Variants in PCSK5 observed in about 807,000 individuals in gnomAD.
PCSK5 encodes the protein proprotein convertase subtilisin/kexin type 5.
PCSK5 carries 129 observed loss-of-function variants against 233.2 expected under a neutral mutation model. That is an observed-to-expected ratio of 0.55 (90% CI 0.48 to 0.64). The LOEUF (loss-of-function observed/expected upper bound fraction) is 0.64. PCSK5 is among the 30% of genes least tolerant of loss of function. PCSK5 has a pLI of 0.00. For synonymous variants in PCSK5, 825 were observed against 879.2 expected (o/e 0.94, Z 1.09); for missense variants, 2,076 against 2,430.1 (o/e 0.85, Z 3.06).
In PCSK5 at chr9:76,175,295, T is replaced by TTG. The variant is rs761405694; in HGVS notation, c.1900+166_1900+167insTG. 1.3e-3 allele frequency: 510 copies of TTG among 401,858 alleles called. 5 individuals are homozygous for TTG. The highest frequency in any genetic ancestry group is 0.013 in the African/African-American group (459 of 36,214). The allele number at this position is 401,858 out of a possible 1,614,324, so 24.9% of individuals were successfully genotyped here. On this transcript the variant is annotated intron_variant, in intron 14 of 37. Transcript: ENST00000674117. ...TGGAATCGAATCGAATCGAATCGAATAGAATAGAATAGAATAGAACAGAAC... is the reference window on the plus strand; with the variant it reads ...TGGAATCGAATCGAATCGAATCGAATTGAGAATAGAATAGAATAGAACAGAAC...
intron 5 of PCSK5, among the ~76,000 whole-genome samples, chr9:76,051,431 GA>G (rs1829625306): frequency 6.6e-6 from 1 of 152,082 alleles, no homozygotes; most frequent in African/African-American, 2.4e-5. Context: ...AGGAAGGAGG[GA>G]AGAAGAAGAT....
chr9:76,214,524 C>T (rs1825451592), intron 20 of PCSK5, among the ~76,000 whole-genome samples: 1 of 152,100 alleles, frequency 6.6e-6, no homozygotes, highest in Admixed American at 6.5e-5. Flanking sequence ...GTGACCTTAA[C>T]AGACCACTAA....
At chr9:76,241,961 T>C (rs1826444428) in intron 24 of PCSK5, among the ~76,000 whole-genome samples, 1 of 152,194 alleles carries the variant, frequency 6.6e-6, no homozygotes, top group African/African-American at 2.4e-5. Context: ...TGAGGATTTG[T>C]GTTTCTGACA....
intron 20 of PCSK5, among the ~76,000 whole-genome samples, chr9:76,199,287 T>C (rs1054767925): frequency 5.3e-5 from 8 of 152,162 alleles, no homozygotes; most frequent in Non-Finnish European, 1.2e-4. Context: ...CTGCATGCAG[T>C]TGTAACAAAA....
chr9:76,303,984 C>A (rs1364999617), intron 28 of PCSK5, among the ~76,000 whole-genome samples: 2 of 152,118 alleles, frequency 1.3e-5, no homozygotes, highest in African/African-American at 2.4e-5. Flanking sequence ...CCAGCCCGGG[C>A]AAAATGGTGA....
chr9:76,091,762 A>G (rs1458060793), intron 7 of PCSK5, among the ~76,000 whole-genome samples: 1 of 152,150 alleles, frequency 6.6e-6, no homozygotes, highest in East Asian at 1.9e-4. Flanking sequence ...AACTCCGATT[A>G]GCCCCTCTGT....
At chr9:75,950,870 C>G (rs1824824130) in intron 2 of PCSK5, among the ~76,000 whole-genome samples, 1 of 152,182 alleles carries the variant, frequency 6.6e-6, no homozygotes, top group African/African-American at 2.4e-5. Flanking sequence ...GTGCTAAATG[C>G]TCCAATTAAA....
At chr9:76,158,950 T>C in intron 11 of PCSK5, 33 bp from the exon 12 acceptor site, 1 of 1,582,534 alleles carries the variant, frequency 6.3e-7, no homozygotes, top group Non-Finnish European at 8.7e-7. Flanking sequence ...TGTGATGTCA[T>C]TTGCTCAAAC....
intron 2 of PCSK5, among the ~76,000 whole-genome samples, chr9:75,971,595 G>A (rs1032578760): frequency 3.9e-5 from 6 of 152,148 alleles, no homozygotes; most frequent in African/African-American, 1.4e-4. Flanking sequence ...ACCAGCATCT[G>A]TTGTTTCTTG....
chr9:75,906,957 T>C (rs889895366), intron 1 of PCSK5, among the ~76,000 whole-genome samples: 6 of 152,214 alleles, frequency 3.9e-5, no homozygotes, highest in African/African-American at 1.4e-4. Flanking sequence ...TCCATTGCTC[T>C]TCTGGAAATT....
intron 5 of PCSK5, among the ~76,000 whole-genome samples, chr9:76,064,740 G>T (rs905195526): frequency 6.8e-6 from 1 of 147,756 alleles, no homozygotes; most frequent in African/African-American, 2.5e-5. Flanking sequence ...ACGGGGTCTC[G>T]GCCGGGCAGA....
chr9:76,263,342 G>A (rs144429706), intron 24 of PCSK5, among the ~76,000 whole-genome samples: 7,361 of 152,116 alleles, frequency 0.048, 452 homozygotes, highest in African/African-American at 0.15. Flanking sequence ...TGTTTATTGC[G>A]GCTCTATTCA....
chr9:76,153,830 T>C (rs1041314723), intron 10 of PCSK5, among the ~76,000 whole-genome samples: 1 of 152,222 alleles, frequency 6.6e-6, no homozygotes, highest in African/African-American at 2.4e-5. Flanking sequence ...CAAATATTTA[T>C]GAAAGCCCTG....
At chr9:75,987,456 T>C (rs1174847682) in intron 3 of PCSK5, among the ~76,000 whole-genome samples, 1 of 152,198 alleles carries the variant, frequency 6.6e-6, no homozygotes, top group African/African-American at 2.4e-5. Flanking sequence ...TGCATCTTGA[T>C]CCCTTTTTAT....
At chr9:76,320,649 T>C (rs1181127822) in intron 30 of PCSK5, among the ~76,000 whole-genome samples, 1 of 150,446 alleles carries the variant, frequency 6.6e-6, no homozygotes, top group Non-Finnish European at 1.5e-5. Flanking sequence ...AATTTTTATA[T>C]TTTTAGTAGA....
At chr9:75,998,511 T>G (rs1033308671) in intron 3 of PCSK5, among the ~76,000 whole-genome samples, 2 of 152,182 alleles carry the variant, frequency 1.3e-5, no homozygotes, top group Non-Finnish European at 2.9e-5. Flanking sequence ...CTAGTAAGTT[T>G]TCAAAAACTA....
intron 1 of PCSK5, among the ~76,000 whole-genome samples, chr9:75,913,857 A>C (rs1181675558): frequency 6.6e-6 from 1 of 152,162 alleles, no homozygotes; most frequent in East Asian, 1.9e-4. Context: ...CTACTGTATT[A>C]TTAAAAAAAG....
intron 9 of PCSK5, among the ~76,000 whole-genome samples, chr9:76,123,376 T>C (rs1019325263): frequency 1.3e-5 from 2 of 152,222 alleles, no homozygotes; most frequent in African/African-American, 2.4e-5. Context: ...TTAGTTTTCA[T>C]ATTTTATAGA....
At chr9:76,317,680 T>C (rs1208602491) in intron 30 of PCSK5, among the ~76,000 whole-genome samples, 1 of 152,204 alleles carries the variant, frequency 6.6e-6, no homozygotes, top group Non-Finnish European at 1.5e-5. Flanking sequence ...TCCTTGTCCC[T>C]TGACTTTGGC....
Sources: allele counts gnomAD v4.1 joint callset (sites outside exome capture counted in the v4.1 genomes callset), GRCh38; gene constraint gnomAD v4.1.1; transcripts MANE v1.5; gene names NCBI Gene and HGNC (gene_info 2026-07-23, HGNC 2026-07-21).